The following RGL1 variants were observed in gnomAD, a reference collection of about 807,000 sequenced individuals.
RGL1 encodes ral guanine nucleotide dissociation stimulator-like 1.
A neutral mutation model predicts 95.2 loss-of-function variants in RGL1; 24 were observed. The ratio of observed to expected loss-of-function variants is 0.25; its 90% confidence interval spans 0.18 to 0.35. The LOEUF is 0.35. Among genes scored for constraint, RGL1 ranks in the 10% least tolerant of loss-of-function variants. The probability of loss-of-function intolerance (pLI) is 1.00; values close to 1 mark genes in which losing one functional copy is unlikely to be tolerated. For missense variants in RGL1, 715 were observed against 936.3 expected, an observed-to-expected ratio of 0.76 and a Z score of 3.08; for synonymous variants, 329 against 344.9, an observed-to-expected ratio of 0.95 and a Z score of 0.51.
intron 1 of RGL1, among the ~76,000 whole-genome samples, chr1:183,738,382 C>T (rs572590453): frequency 6.6e-6 from 1 of 151,724 alleles, no homozygotes; most frequent in East Asian, 1.9e-4. Context: ...GATCACGCCA[C>T]TGCATTCCAG....
intron 1 of RGL1, among the ~76,000 whole-genome samples, chr1:183,729,958 A>G (rs1656533324): frequency 6.6e-6 from 1 of 152,196 alleles, no homozygotes; most frequent in Non-Finnish European, 1.5e-5. Context: ...GCCCGGGGCC[A>G]GTGATAGGGT....
chr1:183,853,922 C>G (rs1050179668), intron 3 of RGL1, among the ~76,000 whole-genome samples: 4 of 152,166 alleles, frequency 2.6e-5, no homozygotes, highest in African/African-American at 9.7e-5. Context: ...AGGGCTCCTC[C>G]CTTCACACAG....
rs566328855 is a variant in RGL1 at position 183,701,390 on chromosome 1, T to G, written c.-32-40736T>G. ...TTTTCAAGGTACTGATGACAGAGAA[T>G]AGGAGGTGTGTTCCATTTCCCTACC... On this transcript the variant is annotated intron_variant, in intron 1 of 18. Transcript: ENST00000304685. Among the ~76,000 whole-genome samples the G allele has an allele frequency of 6.0e-4, 92 of 152,334 alleles. 1 individual carries two copies. Among genetic ancestry groups the G allele is most frequent in the Non-Finnish European group, 1.3e-3 (87 of 68,034 alleles).
At chr1:183,895,668 G>A (rs953050653) in intron 9 of RGL1, among the ~76,000 whole-genome samples, 5 of 152,188 alleles carry the variant, frequency 3.3e-5, no homozygotes, top group African/African-American at 4.8e-5. Context: ...CTTTCAAGAA[G>A]GTTCAAGGGA....
At chr1:183,779,185 TTCC>T (rs1337747489) in intron 2 of RGL1, among the ~76,000 whole-genome samples, 1 of 143,748 alleles carries the variant, frequency 7.0e-6, no homozygotes, top group African/African-American at 2.6e-5. Context: ...CCTTCCTTCC[TTCC>T]TTCCTTCCTT....
intron 10 of RGL1, among the ~76,000 whole-genome samples, chr1:183,898,628 T>C (rs1247661598): frequency 6.6e-6 from 1 of 152,230 alleles, no homozygotes; most frequent in Non-Finnish European, 1.5e-5. Context: ...TTTTGAATGA[T>C]AGGACTCTTC....
chr1:183,900,666 A>G (rs1278625472), intron 11 of RGL1, among the ~76,000 whole-genome samples: 2 of 151,814 alleles, frequency 1.3e-5, no homozygotes, highest in African/African-American at 4.8e-5. Flanking sequence ...CACCACGCCC[A>G]GCTAATTTTT....
chr1:183,895,883 C>G (rs879929182), intron 9 of RGL1, among the ~76,000 whole-genome samples: 13 of 152,162 alleles, frequency 8.5e-5, no homozygotes, highest in African/African-American at 3.1e-4. Context: ...TCTTGTAGCT[C>G]CCCATCTCAG....
rs577120448 is a variant in RGL1, at chr1:183,706,653, A to G, written c.-32-35473A>G. On this transcript the variant is annotated intron_variant, in intron 1 of 18. Coordinates refer to the RGL1 transcript ENST00000304685. Reference sequence around the variant, plus strand: ...CTGGACCAGTGGCCTTCATTGCCACACTTGAAACAGGCACCAGGTGGAGGT... The same window carrying G: ...CTGGACCAGTGGCCTTCATTGCCACGCTTGAAACAGGCACCAGGTGGAGGT... 3.9e-5 allele frequency among the ~76,000 whole-genome samples: 6 copies of G among 152,322 alleles called. No homozygotes were observed. In the South Asian group the frequency reaches 1.2e-3, roughly 32 times the overall value.
At chr1:183,783,453 T>G (rs10911436) in intron 2 of RGL1, among the ~76,000 whole-genome samples, 1 of 151,982 alleles carries the variant, frequency 6.6e-6, no homozygotes. Context: ...CTTAAGTCCA[T>G]AGGGACAGGA....
chr1:183,784,233 G>T (rs1185794863), intron 2 of RGL1, among the ~76,000 whole-genome samples: 2 of 152,228 alleles, frequency 1.3e-5, no homozygotes, highest in Non-Finnish European at 2.9e-5. Context: ...ATGACAAGCG[G>T]TCACCCAGAC....
chr1:183,874,072 G>A (rs1666344320), intron 4 of RGL1, among the ~76,000 whole-genome samples: 1 of 152,172 alleles, frequency 6.6e-6, no homozygotes. Flanking sequence ...TTTGGTGACT[G>A]GCGATGTCCT....
intron 1 of RGL1, among the ~76,000 whole-genome samples, chr1:183,680,785 C>A (rs10911401): frequency 1.3e-5 from 2 of 152,026 alleles, no homozygotes; most frequent in African/African-American, 4.8e-5. Context: ...GCCATTTTCA[C>A]GATATTGATT....
chr1:183,796,611 C>G (rs1179311502), intron 2 of RGL1, among the ~76,000 whole-genome samples: 1 of 152,174 alleles, frequency 6.6e-6, no homozygotes, highest in African/African-American at 2.4e-5. Context: ...TTGTCTCTAA[C>G]TGCAGAGCCT....
intron 2 of RGL1, among the ~76,000 whole-genome samples, chr1:183,830,831 T>C (rs935684969): frequency 6.6e-5 from 10 of 152,266 alleles, no homozygotes; most frequent in African/African-American, 1.9e-4. Context: ...CAGTTAATTT[T>C]GTTTACTTGA....
chr1:183,676,744 C>T (rs369049201), intron 1 of RGL1, among the ~76,000 whole-genome samples: 1 of 142,468 alleles, frequency 7.0e-6, no homozygotes, highest in Non-Finnish European at 1.6e-5. Flanking sequence ...AGCCCAGGGG[C>T]CTCTGGCTTT....
intron 16 of RGL1, 43 bp downstream of exon 16, chr1:183,916,744 T>C (rs1669003784): frequency 5.0e-6 from 8 of 1,593,138 alleles, no homozygotes; most frequent in Non-Finnish European, 6.8e-6. Flanking sequence ...TCCATTTAGA[T>C]TGTGTGTCTG....
chr1:183,835,310 T>C (rs1425460951), intron 2 of RGL1, among the ~76,000 whole-genome samples: 3 of 152,248 alleles, frequency 2.0e-5, no homozygotes, highest in Non-Finnish European at 2.9e-5. Context: ...ATTGTCATTC[T>C]GCTTTCATTT....
intron 1 of RGL1, among the ~76,000 whole-genome samples, chr1:183,656,492 A>G (rs1270306554): frequency 6.6e-6 from 1 of 152,262 alleles, no homozygotes; most frequent in East Asian, 1.9e-4. Flanking sequence ...AGTTTTGGCC[A>G]AAGGCAGCCA....
Sources: gnomAD v4.1 joint callset for allele counts (sites outside exome capture counted in the v4.1 genomes callset) on GRCh38, gnomAD v4.1.1 for gene constraint, MANE v1.5 for transcripts, NCBI Gene and HGNC (gene_info 2026-07-23, HGNC 2026-07-21) for gene names.